ARHGEF7: variants seen among roughly 807,000 people sequenced by gnomAD.
The protein encoded by ARHGEF7 is Rho guanine nucleotide exchange factor 7.
In ARHGEF7, 33 loss-of-function variants were observed where a neutral mutation model predicts 109.8. The observed-to-expected ratio is 0.30, with a 90% CI of 0.23 to 0.40. The LOEUF (loss-of-function observed/expected upper bound fraction) is 0.40. Ranked by LOEUF, ARHGEF7 falls within the 10% of genes least tolerant of loss-of-function variation. The probability of loss-of-function intolerance (pLI) is 1.00; values close to 1 mark genes in which losing one functional copy is unlikely to be tolerated. For missense variants in ARHGEF7, 938 were observed against 1,098.5 expected, an observed-to-expected ratio of 0.85 and a Z score of 2.07; for synonymous variants, 458 against 424.6, an observed-to-expected ratio of 1.08 and a Z score of -0.97.
At chr13:111,298,975 G>A (rs1567129899) in intron 19 of ARHGEF7, among the ~76,000 whole-genome samples, 2 of 152,238 alleles carry the variant, frequency 1.3e-5, no homozygotes, top group South Asian at 4.1e-4. Flanking sequence ...GGTGTGGCAA[G>A]TGTCTCCTGA....
intron 4 of ARHGEF7, among the ~76,000 whole-genome samples, chr13:111,216,681 G>A (rs565198351): frequency 2.0e-4 from 31 of 152,314 alleles, no homozygotes; most frequent in Admixed American, 5.2e-4. Context: ...GGGACACTGC[G>A]TTGCAGGTGG....
At chr13:111,121,970 T>C (rs1406813880) in intron 1 of ARHGEF7, among the ~76,000 whole-genome samples, 1 of 152,248 alleles carries the variant, frequency 6.6e-6, no homozygotes, top group African/African-American at 2.4e-5. Context: ...TGATTGACAC[T>C]GAAAACCTTC....
intron 2 of ARHGEF7, among the ~76,000 whole-genome samples, chr13:111,174,921 G>A (rs1211006361): frequency 2.0e-5 from 3 of 152,150 alleles, no homozygotes; most frequent in Admixed American, 2.0e-4. Context: ...GTGCGTGTCG[G>A]GTGAAACCTA....
At chr13:111,265,524 G>A (rs1434470645) in intron 8 of ARHGEF7, 1 of 456,280 alleles carries the variant, frequency 2.2e-6, no homozygotes, top group African/African-American at 2.0e-5. Context: ...GCTCATGAAG[G>A]TGGAGGCACA....
At position 111,210,149 on chromosome 13, in the gene ARHGEF7, G is replaced by C. The variant is rs1024192279; in HGVS notation, c.468+147G>C. ...TTCGCCTCCGTTGTGCCTGTAATCT[G>C]GTTTGGCATTTGCTCATTACCAGAT... On this transcript the variant is annotated intron_variant, in intron 4 of 21. Coordinates refer to ENST00000646102, the MANE Select transcript of ARHGEF7 (RefSeq NM_001354046.2). 64 of 1,039,962 alleles carry C rather than the reference G, an allele frequency of 6.2e-5. No homozygotes were observed. In the African/African-American group the frequency reaches 9.5e-4, roughly 15 times the overall value. The allele number at this position is 1,039,962 out of a possible 1,614,324, so 64.4% of individuals were successfully genotyped here. A position where few individuals can be genotyped will look rare whatever the true frequency, so the allele number is the denominator to read the frequency against.
At chr13:111,188,122 C>T (rs1165114730) in intron 2 of ARHGEF7, among the ~76,000 whole-genome samples, 5 of 152,170 alleles carry the variant, frequency 3.3e-5, no homozygotes, top group Admixed American at 6.5e-5. Context: ...TGGGATCACT[C>T]GCTCTGTGGA....
intron 16 of ARHGEF7, among the ~76,000 whole-genome samples, chr13:111,284,430 TC>T (rs2092929099): frequency 6.6e-6 from 1 of 152,240 alleles, no homozygotes; most frequent in Admixed American, 6.5e-5. Context: ...AGTCAGAATT[TC>T]CATTTTCTAT....
intron 11 of ARHGEF7, 109 bp from the exon 12 acceptor site, chr13:111,275,423 A>G: frequency 8.3e-7 from 1 of 1,202,278 alleles, no homozygotes; most frequent in Non-Finnish European, 1.2e-6. Context: ...TGTCTGAAGA[A>G]GTAAGATATA....
chr13:111,197,949 A>G (rs937984892), intron 2 of ARHGEF7, among the ~76,000 whole-genome samples: 1 of 152,110 alleles, frequency 6.6e-6, no homozygotes, highest in Non-Finnish European at 1.5e-5. Context: ...GATAGGATAG[A>G]TGGGCGAGTC....
chr13:111,287,479 G>C (rs763507632), intron 17 of ARHGEF7, among the ~76,000 whole-genome samples: 1 of 152,232 alleles, frequency 6.6e-6, no homozygotes, highest in Non-Finnish European at 1.5e-5. Flanking sequence ...ATACAGTGTG[G>C]CCGAAAGAGA....
intron 3 of ARHGEF7, among the ~76,000 whole-genome samples, chr13:111,208,741 C>T (rs1477903904): frequency 2.0e-5 from 3 of 152,164 alleles, no homozygotes; most frequent in African/African-American, 4.8e-5. Context: ...AACCTGCCCT[C>T]AGCAGGTCCT....
chr13:111,267,896 A>G (rs1052690515), intron 9 of ARHGEF7, among the ~76,000 whole-genome samples: 11 of 151,832 alleles, frequency 7.2e-5, no homozygotes, highest in African/African-American at 2.4e-4. Flanking sequence ...TACAGCCTGA[A>G]GCCCTTTGGC....
intron 8 of ARHGEF7, among the ~76,000 whole-genome samples, chr13:111,265,008 C>A (rs1567006229): frequency 6.6e-6 from 1 of 151,332 alleles, no homozygotes; most frequent in Non-Finnish European, 1.5e-5. Flanking sequence ...CCTGTAATCC[C>A]AGCTACTCGG....
rs2085585172 is a variant in ARHGEF7 at position 111,228,812 on chromosome 13, A to C, written c.671-4393A>C. On this transcript the variant is annotated intron_variant, in intron 5 of 21. Coordinates refer to ENST00000646102, the MANE Select transcript of ARHGEF7 (RefSeq NM_001354046.2). This position sits in a 1 kb window ranked among gnomAD's most constrained non-coding sequence, Gnocchi z 4.6. Reference sequence around the variant, plus strand: ...CAGAGCCCCAGCACAGAAGGTCGGAAGAGGACGTGGGAATTCCGAGTTTTT... The same window carrying C: ...CAGAGCCCCAGCACAGAAGGTCGGACGAGGACGTGGGAATTCCGAGTTTTT... 1.3e-5 allele frequency among the ~76,000 whole-genome samples: 2 copies of C among 152,100 alleles called. No homozygotes were observed. Among genetic ancestry groups the C allele is most frequent in the African/African-American group, 4.8e-5 (2 of 41,404 alleles).
chr13:111,118,924 G>A (rs7337280), intron 1 of ARHGEF7, among the ~76,000 whole-genome samples: 1 of 152,142 alleles, frequency 6.6e-6, no homozygotes. Context: ...CCCTGGCTAG[G>A]TGTTTGTGGA....
Position 111,197,989 on chromosome 13 carries a change from C to T in ARHGEF7, c.253-7300C>T, listed in dbSNP as rs140414842. ...TTGGGCGACATAACTTTGAGAGTTC[C>T]GCTCATGGCCACAGGGTCAACCAGC... On this transcript the variant is annotated intron_variant, in intron 2 of 21. Transcript: ENST00000646102. 2.4e-3 allele frequency among the ~76,000 whole-genome samples: 372 copies of T among 152,130 alleles called. 1 individual carries two copies. Among genetic ancestry groups the T allele is most frequent in the Non-Finnish European group, 4.5e-3 (306 of 68,002 alleles).
intron 2 of ARHGEF7, among the ~76,000 whole-genome samples, chr13:111,189,121 G>C (rs2079568199): frequency 6.6e-6 from 1 of 152,202 alleles, no homozygotes; most frequent in Non-Finnish European, 1.5e-5. Context: ...ATAGGAGGTT[G>C]GCTGGAACAC....
chr13:111,210,901 T>C (rs773774308), intron 4 of ARHGEF7, among the ~76,000 whole-genome samples: 6 of 152,238 alleles, frequency 3.9e-5, no homozygotes, highest in Non-Finnish European at 7.3e-5. Context: ...CTAAGTAAGC[T>C]GATGGTGGTC....
intron 1 of ARHGEF7, among the ~76,000 whole-genome samples, chr13:111,142,790 A>G (rs1235641902): frequency 6.6e-6 from 1 of 152,192 alleles, no homozygotes; most frequent in Non-Finnish European, 1.5e-5. Flanking sequence ...CTCCTCTCCA[A>G]AATGAGCCTG....
Sources: allele counts gnomAD v4.1 joint callset (sites outside exome capture counted in the v4.1 genomes callset), GRCh38; gene constraint gnomAD v4.1.1; non-coding constraint Gnocchi (gnomAD v3.1); transcripts MANE v1.5; gene names NCBI Gene and HGNC (gene_info 2026-07-23, HGNC 2026-07-21).